CHSY3: variants seen among roughly 807,000 people sequenced by gnomAD.
CHSY3 encodes chondroitin sulfate synthase 3, also known as N-acetylgalactosaminyl-proteoglycan 3-beta-glucuronosyltransferase 3.
CHSY3 carries 35 observed loss-of-function variants against 67.2 expected under a neutral mutation model. The observed-to-expected ratio is 0.52, with a 90% CI of 0.40 to 0.69. The LOEUF is 0.69. Ranked by LOEUF, CHSY3 falls within the 30% of genes least tolerant of loss-of-function variation. The pLI, the probability that CHSY3 is intolerant of heterozygous loss-of-function variation, is 0.00. For synonymous variants in CHSY3, 474 were observed against 434.7 expected, an observed-to-expected ratio of 1.09 and a Z score of -1.12; for missense variants, 1,069 against 1,138.5, an observed-to-expected ratio of 0.94 and a Z score of 0.88.
chr5:130,127,821 G>A (rs1225164081), intron 2 of CHSY3, among the ~76,000 whole-genome samples: 1 of 152,118 alleles, frequency 6.6e-6, no homozygotes, highest in African/African-American at 2.4e-5. Context: ...TATTATTTTA[G>A]AGTGTGGGAT....
In CHSY3 at chr5:130,184,454, G is replaced by A. The variant is rs959217312; in HGVS notation, c.1312G>A (p.Glu438Lys). ...CCTGATGAGCAAGCTCAGTAACACAGAAGTGAGCAAAGAGGACCAGCAGCT... is the reference window on the plus strand; with the variant it reads ...CCTGATGAGCAAGCTCAGTAACACAAAAGTGAGCAAAGAGGACCAGCAGCT... ...SALMSKLSNTEVSKEDQQLGV... is the reference protein window; with the variant it reads ...SALMSKLSNTKVSKEDQQLGV... Residue 438 changes from glutamate to lysine, a missense_variant, in exon 3 of 3, where the codon GAA (glutamate) becomes AAA (lysine). Physicochemically the swap from Glu to Lys is moderately conservative, Grantham distance 56. This residue lies in a region of CHSY3 where 401 missense variants were observed against 395.2 expected (regional missense o/e 1.01). Coordinates refer to ENST00000305031, the MANE Select transcript of CHSY3 (RefSeq NM_175856.5). The A allele has an allele frequency of 6.2e-7, 1 of 1,613,514 alleles. No homozygotes were observed. Among genetic ancestry groups the A allele is most frequent in the Non-Finnish European group, 8.5e-7 (1 of 1,179,454 alleles).
At chr5:130,178,348 C>G (rs184210648) in intron 2 of CHSY3, among the ~76,000 whole-genome samples, 13 of 147,894 alleles carry the variant, frequency 8.8e-5, no homozygotes, top group African/African-American at 3.2e-4. Context: ...CTCCGCCTCT[C>G]GGGTTCACGC....
chr5:130,151,022 G>T (rs981022028), intron 2 of CHSY3, among the ~76,000 whole-genome samples: 2 of 152,064 alleles, frequency 1.3e-5, no homozygotes, highest in Non-Finnish European at 2.9e-5. Context: ...GACAACTAAT[G>T]CAGGAACATT....
At position 130,167,437 on chromosome 5, in the gene CHSY3, G is replaced by A. The variant is rs192854342; in HGVS notation, c.1087-16792G>A. Among the ~76,000 whole-genome samples, 221 of 152,206 alleles carry A rather than the reference G, an allele frequency of 1.5e-3. 1 individual carries two copies. Among genetic ancestry groups the A allele is most frequent in the African/African-American group, 5.1e-3 (210 of 41,532 alleles). ...AAAACTGGCAGGCAAGAAGCTGGAAGATTTACATCTCAATAGGGCAGAAAG... is the reference window on the plus strand; with the variant it reads ...AAAACTGGCAGGCAAGAAGCTGGAAAATTTACATCTCAATAGGGCAGAAAG... On this transcript the variant is annotated intron_variant, in intron 2 of 2. Transcript: ENST00000305031.
intron 2 of CHSY3, among the ~76,000 whole-genome samples, chr5:129,973,942 C>T (rs1762718169): frequency 6.6e-6 from 1 of 152,014 alleles, no homozygotes; most frequent in Non-Finnish European, 1.5e-5. Context: ...ATTACACAAC[C>T]TCATGATTTT....
intron 2 of CHSY3, among the ~76,000 whole-genome samples, chr5:129,949,518 A>C (rs1164348323): frequency 6.6e-6 from 1 of 152,174 alleles, no homozygotes; most frequent in African/African-American, 2.4e-5. Flanking sequence ...TCACTGGTGC[A>C]TTCTACCAAA....
chr5:130,008,033 C>A (rs769763476), intron 2 of CHSY3, among the ~76,000 whole-genome samples: 2 of 152,208 alleles, frequency 1.3e-5, no homozygotes, highest in East Asian at 1.9e-4. Context: ...CAGCCTCCCC[C>A]ACACCACTTT....
chr5:129,938,380 A>G (rs1761577925), intron 2 of CHSY3, among the ~76,000 whole-genome samples: 1 of 152,226 alleles, frequency 6.6e-6, no homozygotes, highest in Non-Finnish European at 1.5e-5. Context: ...ATGTTTACTT[A>G]TGCAAATTTC....
intron 2 of CHSY3, among the ~76,000 whole-genome samples, chr5:129,971,259 AATAG>A (rs1762632977): frequency 6.6e-6 from 1 of 151,612 alleles, no homozygotes; most frequent in Non-Finnish European, 1.5e-5. Flanking sequence ...AGTAAAAGAT[AATAG>A]ATATTCAATT....
At chr5:130,052,300 T>C (rs1765387963) in intron 2 of CHSY3, 2 of 152,178 alleles carry the variant, frequency 1.3e-5, no homozygotes, top group African/African-American at 4.8e-5. Flanking sequence ...CAGTCATAAC[T>C]CCTGGGAGTT....
intron 2 of CHSY3, among the ~76,000 whole-genome samples, chr5:130,107,904 G>T (rs1289424819): frequency 6.6e-6 from 1 of 151,614 alleles, no homozygotes; most frequent in East Asian, 1.9e-4. Flanking sequence ...TAGCTAAGGG[G>T]TTATATTTGC....
chr5:130,067,806 A>G (rs1170088528), intron 2 of CHSY3, among the ~76,000 whole-genome samples: 1 of 152,182 alleles, frequency 6.6e-6, no homozygotes, highest in Non-Finnish European at 1.5e-5. Context: ...AAAGACATCA[A>G]CTATATATTT....
intron 2 of CHSY3, among the ~76,000 whole-genome samples, chr5:130,123,726 A>G (rs954038786): frequency 1.3e-5 from 2 of 152,144 alleles, no homozygotes; most frequent in Non-Finnish European, 2.9e-5. Flanking sequence ...ATAAAAAAGA[A>G]AAAAGAGACA....
chr5:130,170,126 G>GC (rs893379744), intron 2 of CHSY3, among the ~76,000 whole-genome samples: 4 of 151,730 alleles, frequency 2.6e-5, no homozygotes, highest in Non-Finnish European at 5.9e-5. Context: ...TTCTACCCTT[G>GC]CCCCCTTTCC....
intron 2 of CHSY3, among the ~76,000 whole-genome samples, chr5:130,159,017 C>T (rs1769449871): frequency 6.6e-6 from 1 of 151,864 alleles, no homozygotes; most frequent in South Asian, 2.1e-4. Flanking sequence ...CCCAGTCTGT[C>T]TCGAACTGCT....
At chr5:130,163,269 C>T (rs1479825538) in intron 2 of CHSY3, among the ~76,000 whole-genome samples, 7 of 151,974 alleles carry the variant, frequency 4.6e-5, no homozygotes, top group Non-Finnish European at 8.8e-5. Flanking sequence ...TGAAATGAAA[C>T]ATATTTTATT....
chr5:129,918,919 A>T (rs931947093), intron 2 of CHSY3, among the ~76,000 whole-genome samples: 1 of 148,940 alleles, frequency 6.7e-6, no homozygotes, highest in African/African-American at 2.5e-5. Flanking sequence ...CATCCTGGCT[A>T]ACAAGGTGAA....
chr5:130,021,003 T>C (rs1764374240), intron 2 of CHSY3, among the ~76,000 whole-genome samples: 2 of 152,166 alleles, frequency 1.3e-5, no homozygotes, highest in African/African-American at 4.8e-5. Context: ...GTAGCAAATG[T>C]CCAAGTACAT....
intron 2 of CHSY3, among the ~76,000 whole-genome samples, chr5:130,100,679 G>A (rs188437022): frequency 6.6e-5 from 10 of 152,214 alleles, no homozygotes; most frequent in East Asian, 1.9e-4. Context: ...AGAGCTTTAC[G>A]TGAATTCTAT....
Sources: allele counts gnomAD v4.1 joint callset (sites outside exome capture counted in the v4.1 genomes callset), GRCh38; gene constraint gnomAD v4.1.1; regional missense constraint gnomAD v4.1.1; transcripts MANE v1.5; gene names NCBI Gene and HGNC (gene_info 2026-07-23, HGNC 2026-07-21).